The following MAGI1 variants were observed in gnomAD, a reference collection of about 807,000 sequenced individuals.
MAGI1 encodes membrane associated guanylate kinase, WW and PDZ domain containing 1.
A neutral mutation model predicts 139.9 loss-of-function variants in MAGI1; 58 were observed. The ratio of observed to expected loss-of-function variants is 0.41; its 90% CI spans 0.34 to 0.52. MAGI1 has a LOEUF of 0.52. MAGI1 is among the 20% of genes least tolerant of loss of function. The pLI, the probability that MAGI1 is intolerant of heterozygous loss-of-function variation, is 0.12. For synonymous variants in MAGI1, 812 were observed against 737.9 expected (o/e 1.10, Z -1.63); for missense variants, 1,874 against 1,901.6 (o/e 0.99, Z 0.27).
At chr3:65,540,100 G>C (rs1296174791) in intron 2 of MAGI1, among the ~76,000 whole-genome samples, 2 of 152,134 alleles carry the variant, frequency 1.3e-5, no homozygotes, top group African/African-American at 4.8e-5. Flanking sequence ...ATCAAGATGG[G>C]CTCAAAGGGA....
intron 2 of MAGI1, among the ~76,000 whole-genome samples, chr3:65,530,866 T>C (rs2078682549): frequency 7.0e-6 from 1 of 142,478 alleles, no homozygotes; most frequent in Admixed American, 7.3e-5. Flanking sequence ...TATATATATA[T>C]ATGGAGAGAG....
At chr3:65,546,817 A>C (rs11915359) in intron 2 of MAGI1, among the ~76,000 whole-genome samples, 5,917 of 151,838 alleles carry the variant, frequency 0.039, 168 homozygotes, top group African/African-American at 0.081. Context: ...TCTAACCCTT[A>C]AAAAAAAGTC....
At chr3:65,554,816 A>G (rs917221440) in intron 2 of MAGI1, among the ~76,000 whole-genome samples, 1 of 152,206 alleles carries the variant, frequency 6.6e-6, no homozygotes, top group African/African-American at 2.4e-5. Context: ...AAGTGTCAAC[A>G]TCATGAAAGA....
At chr3:65,715,902 C>A (rs2032181176) in intron 1 of MAGI1, among the ~76,000 whole-genome samples, 1 of 152,112 alleles carries the variant, frequency 6.6e-6, no homozygotes, top group Admixed American at 6.5e-5. Flanking sequence ...AAACCAAAGC[C>A]AAGACAGCTG....
chr3:66,004,407 G>C (rs2066908500), intron 1 of MAGI1, among the ~76,000 whole-genome samples: 1 of 152,138 alleles, frequency 6.6e-6, no homozygotes, highest in Non-Finnish European at 1.5e-5. Context: ...CTCTCTGCGT[G>C]GTCTCTCTGT....
At chr3:65,692,347 C>G (rs2088752259) in intron 1 of MAGI1, among the ~76,000 whole-genome samples, 1 of 152,182 alleles carries the variant, frequency 6.6e-6, no homozygotes, top group Non-Finnish European at 1.5e-5. Flanking sequence ...ATGGCATACT[C>G]TGGGTTAAGA....
chr3:65,396,821 G>C (rs956447406), intron 13 of MAGI1, among the ~76,000 whole-genome samples: 1 of 152,248 alleles, frequency 6.6e-6, no homozygotes, highest in Non-Finnish European at 1.5e-5. Flanking sequence ...ATCCAAGCCA[G>C]TGCAGAGGAT....
chr3:65,734,269 G>A (rs1044208455), intron 1 of MAGI1, among the ~76,000 whole-genome samples: 9 of 152,072 alleles, frequency 5.9e-5, no homozygotes, highest in African/African-American at 1.2e-4. Context: ...CGAGCACCCT[G>A]AGCAACACAG....
chr3:65,660,324 G>C (rs746199702), intron 1 of MAGI1, among the ~76,000 whole-genome samples: 9 of 152,236 alleles, frequency 5.9e-5, no homozygotes, highest in Non-Finnish European at 1.2e-4. Context: ...AGTCAAAAAG[G>C]ACAGATAGAC....
chr3:65,949,208 C>T (rs111431665), intron 1 of MAGI1, among the ~76,000 whole-genome samples: 210 of 152,342 alleles, frequency 1.4e-3, no homozygotes, highest in Non-Finnish European at 2.2e-3. Context: ...CCATCACCTG[C>T]ATAATAAACC....
At chr3:65,650,047 ATG>A (rs959186143) in intron 1 of MAGI1, among the ~76,000 whole-genome samples, 28 of 152,312 alleles carry the variant, frequency 1.8e-4, no homozygotes, top group African/African-American at 6.0e-4. Flanking sequence ...CAATGCAACA[ATG>A]TTGAGAGGTG....
chr3:65,965,688 T>C (rs1417088420), intron 1 of MAGI1, among the ~76,000 whole-genome samples: 1 of 152,064 alleles, frequency 6.6e-6, no homozygotes, highest in African/African-American at 2.4e-5. Flanking sequence ...GTTTTGTTTG[T>C]TTGTTTTTGA....
At chr3:65,827,411 T>C (rs562488269) in intron 1 of MAGI1, among the ~76,000 whole-genome samples, 3 of 152,218 alleles carry the variant, frequency 2.0e-5, no homozygotes, top group Admixed American at 6.5e-5. Context: ...AAAAAAAACA[T>C]TTTAAAGTCT....
At chr3:65,473,456 C>T (rs1338477206) in intron 4 of MAGI1, among the ~76,000 whole-genome samples, 3 of 152,074 alleles carry the variant, frequency 2.0e-5, no homozygotes, top group Non-Finnish European at 4.4e-5. Flanking sequence ...ACTGTCCAAA[C>T]TCGGTGACAG....
At chr3:65,503,673 G>T (rs114855943) in intron 2 of MAGI1, among the ~76,000 whole-genome samples, 1 of 152,174 alleles carries the variant, frequency 6.6e-6, no homozygotes, top group African/African-American at 2.4e-5. Context: ...TTGGAATCTC[G>T]TTTTAAAAAC....
intron 1 of MAGI1, among the ~76,000 whole-genome samples, chr3:65,919,276 C>A (rs1240514605): frequency 1.3e-5 from 2 of 152,166 alleles, no homozygotes; most frequent in African/African-American, 4.8e-5. Flanking sequence ...AATGCTTACA[C>A]AAGGGCCAGA....
chr3:65,419,764 G>C (rs770487509), intron 12 of MAGI1, among the ~76,000 whole-genome samples: 4 of 149,254 alleles, frequency 2.7e-5, no homozygotes, highest in Non-Finnish European at 6.1e-5. Flanking sequence ...GTTGGGGTCA[G>C]CAAATACAGC....
chr3:65,492,884 C>G (rs1952148522), intron 3 of MAGI1, among the ~76,000 whole-genome samples: 1 of 151,986 alleles, frequency 6.6e-6, no homozygotes, highest in South Asian at 2.1e-4. Flanking sequence ...CGAGACGATC[C>G]TGGCTAACAC....
intron 1 of MAGI1, among the ~76,000 whole-genome samples, chr3:66,036,382 A>C (rs2068921137): frequency 6.6e-6 from 1 of 152,152 alleles, no homozygotes; most frequent in South Asian, 2.1e-4. Flanking sequence ...GCCAGGAATG[A>C]GGCACAATCT....
Sources: gnomAD v4.1 joint callset for allele counts (sites outside exome capture counted in the v4.1 genomes callset) on GRCh38, gnomAD v4.1.1 for gene constraint, MANE v1.5 for transcripts, NCBI Gene and HGNC (gene_info 2026-07-23, HGNC 2026-07-21) for gene names.